MTUS2: variants seen among roughly 807,000 people sequenced by gnomAD.
The protein encoded by MTUS2 is microtubule associated scaffold protein 2.
MTUS2 carries 40 observed loss-of-function variants against 114.1 expected under a neutral mutation model. That is an observed-to-expected ratio of 0.35 (90% CI 0.27 to 0.46). The LOEUF (loss-of-function observed/expected upper bound fraction) is 0.46. Among genes scored for constraint, MTUS2 ranks in the 20% least tolerant of loss-of-function variants. MTUS2 has a pLI of 1.00. For synonymous variants in MTUS2, 688 were observed against 672.0 expected (o/e 1.02, Z -0.37); for missense variants, 1,679 against 1,705.4 (o/e 0.98, Z 0.27).
chr13:29,313,500 A>G (rs982310774), intron 6 of MTUS2, among the ~76,000 whole-genome samples: 1 of 152,192 alleles, frequency 6.6e-6, no homozygotes, highest in Non-Finnish European at 1.5e-5. Flanking sequence ...GAAGAGAAAC[A>G]TTCATCTATA....
intron 2 of MTUS2, among the ~76,000 whole-genome samples, chr13:28,946,350 T>C (rs1057506142): frequency 1.3e-5 from 2 of 151,084 alleles, no homozygotes; most frequent in Non-Finnish European, 3.0e-5. Context: ...CACACACACA[T>C]GTGAGTTCCT....
At chr13:29,264,973 T>G (rs1453836649) in intron 5 of MTUS2, among the ~76,000 whole-genome samples, 1 of 152,256 alleles carries the variant, frequency 6.6e-6, no homozygotes, top group African/African-American at 2.4e-5. Context: ...ATAGTCTGAT[T>G]GAATTCCTCT....
chr13:29,485,461 G>A (rs150988136), intron 10 of MTUS2, among the ~76,000 whole-genome samples: 12 of 152,254 alleles, frequency 7.9e-5, no homozygotes, highest in African/African-American at 2.4e-4. Flanking sequence ...ACTAAAGAGC[G>A]GGGATTATTG....
intron 7 of MTUS2, among the ~76,000 whole-genome samples, chr13:29,342,648 A>C (rs1158440885): frequency 6.6e-6 from 1 of 151,948 alleles, no homozygotes; most frequent in Non-Finnish European, 1.5e-5. Flanking sequence ...GATGCCCTTT[A>C]TTTCTTTCTC....
chr13:29,146,991 A>G (rs886886195), intron 5 of MTUS2, among the ~76,000 whole-genome samples: 12 of 152,204 alleles, frequency 7.9e-5, no homozygotes, highest in African/African-American at 2.2e-4. Context: ...ATATCACACT[A>G]AGGACTAGTG....
chr13:29,070,196 T>G (rs571907258), intron 4 of MTUS2, among the ~76,000 whole-genome samples: 8 of 152,272 alleles, frequency 5.3e-5, no homozygotes, highest in Non-Finnish European at 8.8e-5. Flanking sequence ...CCTCTGAAAT[T>G]TTCAATTCTG....
intron 8 of MTUS2, among the ~76,000 whole-genome samples, chr13:29,408,767 T>C (rs1190507643): frequency 1.3e-5 from 2 of 152,196 alleles, no homozygotes; most frequent in Non-Finnish European, 2.9e-5. Flanking sequence ...TGCAAATCTA[T>C]GTCATTTAGC....
chr13:29,477,466 G>A (rs890951789), intron 9 of MTUS2, among the ~76,000 whole-genome samples: 5 of 152,072 alleles, frequency 3.3e-5, no homozygotes, highest in Non-Finnish European at 7.4e-5. Context: ...CCTGGGAACA[G>A]GCATGTCCTC....
rs533821071 is a variant in MTUS2 at position 29,241,050 on chromosome 13, G to T, written c.2645-40654G>T. Among the ~76,000 whole-genome samples the T allele has an allele frequency of 3.3e-5, 5 of 152,140 alleles. No homozygotes were observed. The South Asian group carries it at 1.0e-3, about 32-fold the overall frequency. On this transcript the variant is annotated intron_variant, in intron 5 of 15. Coordinates refer to ENST00000612955, the MANE Select transcript of MTUS2 (RefSeq NM_001033602.4). Reference sequence around the variant, plus strand: ...TTTTAATTATTGACAAAGAAGAGAGGAAAAAGTAAAAACATATATTACATT... The same window carrying T: ...TTTTAATTATTGACAAAGAAGAGAGTAAAAAGTAAAAACATATATTACATT...
intron 5 of MTUS2, among the ~76,000 whole-genome samples, chr13:29,182,400 C>T (rs1393931869): frequency 6.6e-6 from 1 of 152,252 alleles, no homozygotes; most frequent in African/African-American, 2.4e-5. Flanking sequence ...TTCATAACTG[C>T]ATGTGTAACA....
At chr13:29,389,324 T>TGTATATATGTATACAC (rs1566172301) in intron 8 of MTUS2, among the ~76,000 whole-genome samples, 4 of 54,534 alleles carry the variant, frequency 7.3e-5, no homozygotes, top group East Asian at 5.1e-4. Flanking sequence ...TATACACATA[T>TGTATATATGTATACAC]GTGTGTATAT....
intron 9 of MTUS2, among the ~76,000 whole-genome samples, chr13:29,468,990 A>G (rs1374181799): frequency 6.6e-6 from 1 of 152,208 alleles, no homozygotes; most frequent in South Asian, 2.1e-4. Context: ...TTAACAGACA[A>G]TAGTGGATGT....
chr13:29,290,999 G>A (rs1898688504), intron 6 of MTUS2, among the ~76,000 whole-genome samples: 1 of 152,170 alleles, frequency 6.6e-6, no homozygotes, highest in South Asian at 2.1e-4. Flanking sequence ...GTTGCAGATG[G>A]TCACATAATA....
At chr13:29,111,497 A>G (rs1455597600) in intron 5 of MTUS2, among the ~76,000 whole-genome samples, 2 of 152,208 alleles carry the variant, frequency 1.3e-5, no homozygotes, top group African/African-American at 4.8e-5. Context: ...AAACATTTTC[A>G]TACATTTTGT....
At chr13:28,924,885 A>G (rs1034697202) in intron 2 of MTUS2, among the ~76,000 whole-genome samples, 2 of 152,072 alleles carry the variant, frequency 1.3e-5, no homozygotes, top group Non-Finnish European at 2.9e-5. Context: ...TCTCTACTAG[A>G]TGGCGGTTTT....
chr13:28,888,309 G>T (rs1878708134), intron 2 of MTUS2, among the ~76,000 whole-genome samples: 1 of 151,822 alleles, frequency 6.6e-6, no homozygotes, highest in Admixed American at 6.6e-5. Flanking sequence ...TGGTAAAAAT[G>T]TTTTAAATAG....
Position 29,504,820 on chromosome 13 carries a change from C to T in MTUS2, c.*1614C>T, listed in dbSNP as rs1020405302. 3.0e-5 allele frequency: 7 copies of T among 232,862 alleles called. No homozygotes were observed. Among genetic ancestry groups the T allele is most frequent in the South Asian group, 3.6e-4 (2 of 5,532 alleles). 14.4% of individuals were successfully genotyped at this position (232,862 alleles called of 1,614,324 possible). On this transcript the variant is annotated 3_prime_UTR_variant, in exon 16 of 16. Coordinates refer to ENST00000612955, the MANE Select transcript of MTUS2 (RefSeq NM_001033602.4). The stretch of plus-strand genomic sequence containing the variant: ...GGCCTGTCTTTGAGCGTGCCCAAGG[C>T]GAGAAGAACCATGAGGGGGTCCTGC...
chr13:28,918,268 G>A (rs544281443), intron 2 of MTUS2, among the ~76,000 whole-genome samples: 1 of 152,014 alleles, frequency 6.6e-6, no homozygotes, highest in East Asian at 1.9e-4. Context: ...TGCTGAAAAT[G>A]GGGTATTGAA....
chr13:29,085,016 T>G (rs1889627300), intron 4 of MTUS2, among the ~76,000 whole-genome samples: 1 of 152,136 alleles, frequency 6.6e-6, no homozygotes, highest in Admixed American at 6.5e-5. Context: ...GCCATCCCCT[T>G]GGTGATGAGT....
Sources: gnomAD v4.1 joint callset for allele counts (sites outside exome capture counted in the v4.1 genomes callset) on GRCh38, gnomAD v4.1.1 for gene constraint, MANE v1.5 for transcripts, NCBI Gene and HGNC (gene_info 2026-07-23, HGNC 2026-07-21) for gene names.